Variants in MEOX2 observed in about 807,000 individuals in gnomAD.
MEOX2 encodes homeobox protein MOX-2.
A neutral mutation model predicts 27.0 loss-of-function variants in MEOX2; 11 were observed. The observed-to-expected ratio is 0.41, with a 90% CI of 0.26 to 0.68. The LOEUF is 0.68. Among genes scored for constraint, MEOX2 ranks in the 30% least tolerant of loss-of-function variants. The pLI, the probability that MEOX2 is intolerant of heterozygous loss-of-function variation, is 0.33. For synonymous variants in MEOX2, 189 were observed against 155.4 expected, an observed-to-expected ratio of 1.22 and a Z score of -1.61; for missense variants, 436 against 385.4, an observed-to-expected ratio of 1.13 and a Z score of -1.10.
intron 2 of MEOX2, among the ~76,000 whole-genome samples, chr7:15,626,396 C>T (rs1007834882): frequency 3.3e-5 from 5 of 152,060 alleles, no homozygotes; most frequent in African/African-American, 1.2e-4. Context: ...TCTGGGTTTA[C>T]CAACTTTCTA....
intron 1 of MEOX2, chr7:15,681,089 A>G (rs1362967819): frequency 6.6e-6 from 1 of 151,752 alleles, no homozygotes; most frequent in African/African-American, 2.4e-5. Flanking sequence ...AATTCAACAG[A>G]TATTATTTAA....
chr7:15,640,252 G>T lies in MEOX2; in HGVS notation c.518-13334C>A, dbSNP rs774147718. 6.3e-3 allele frequency among the ~76,000 whole-genome samples: 904 copies of T among 143,324 alleles called. 6 individuals carry two copies. The highest frequency in any genetic ancestry group is 9.6e-3 in the Non-Finnish European group (631 of 65,872). The allele number at this position is 143,324 out of a possible 152,430, so 94.0% of individuals were successfully genotyped here. ...TGCTGTTTGGGGGTTGTGTGTGTGT[G>T]TTTGTGTGTGTGTGTGTGTGTGTGT... On this transcript the variant is annotated intron_variant, in intron 1 of 2. Transcript: ENST00000262041.
At chr7:15,629,774 CCT>C (rs71004401) in intron 1 of MEOX2, among the ~76,000 whole-genome samples, 5,689 of 152,048 alleles carry the variant, frequency 0.037, 133 homozygotes, top group Middle Eastern at 0.082. Flanking sequence ...AATATTTTTA[CCT>C]CTTTCTTTAC....
chr7:15,649,514 G>A (rs993724989), intron 1 of MEOX2, among the ~76,000 whole-genome samples: 6 of 152,020 alleles, frequency 3.9e-5, no homozygotes, highest in South Asian at 2.1e-4. Flanking sequence ...TTCTAGAAAG[G>A]ACAGAGTTTC....
intron 1 of MEOX2, among the ~76,000 whole-genome samples, chr7:15,640,718 G>A (rs1009168373): frequency 2.0e-5 from 3 of 152,062 alleles, no homozygotes; most frequent in African/African-American, 7.2e-5. Context: ...CTGGTTTGTT[G>A]AGGGTTTTTA....
At chr7:15,628,047 A>G (rs1781343105) in intron 1 of MEOX2, among the ~76,000 whole-genome samples, 2 of 152,134 alleles carry the variant, frequency 1.3e-5, no homozygotes, top group African/African-American at 4.8e-5. Context: ...AAATTGATGT[A>G]GAAAGATGAT....
At chr7:15,619,160 T>C (rs4466293) in intron 2 of MEOX2, among the ~76,000 whole-genome samples, 102,193 of 151,822 alleles carry the variant, frequency 0.67, 34,627 homozygotes, top group East Asian at 0.81. Context: ...AGTAGAAAAT[T>C]TTCTTAAAAT....
rs184627333 is a variant in MEOX2, at chr7:15,668,090, T to C, written c.517+17796A>G. On this transcript the variant is annotated intron_variant, in intron 1 of 2. Transcript: ENST00000262041. ...ATGTGGAAACTACCTATTTCTACTGTGTACTAACATGCATTTAACTACAGT... is the reference window on the plus strand; with the variant it reads ...ATGTGGAAACTACCTATTTCTACTGCGTACTAACATGCATTTAACTACAGT... 18 of 152,312 alleles carry C rather than the reference T, an allele frequency of 1.2e-4. No individual in the cohort carries two copies. In the East Asian group the frequency reaches 2.9e-3, roughly 25 times the overall value. 9.4% of individuals were successfully genotyped at this position (152,312 alleles called of 1,614,324 possible).
chr7:15,685,862 CGAG>C, intron 1 of MEOX2, 21 bp downstream of exon 1: 17 of 1,563,452 alleles, frequency 1.1e-5, no homozygotes, highest in Non-Finnish European at 1.5e-5. Flanking sequence ...CGCGCACTCT[CGAG>C]GGTGCCTGGC....
rs1160150253 is a variant in MEOX2 at position 15,686,452 on chromosome 7, G to C, written c.-50C>G. 6 of 1,478,520 alleles carry C rather than the reference G, an allele frequency of 4.1e-6. No individual in the cohort carries two copies. The highest frequency in any genetic ancestry group is 5.5e-6 in the Non-Finnish European group (6 of 1,098,724). The allele number at this position is 1,478,520 out of a possible 1,614,324, so 91.6% of individuals were successfully genotyped here. A position where few individuals can be genotyped will look rare whatever the true frequency, so the allele number is the denominator to read the frequency against. ...CAGAAGACTTCACGGCGGTTCCAAA[G>C]GCCACCACCCTCTGTCACTTTTTCA... is the stretch of plus-strand genomic sequence containing the variant. On this transcript the variant is annotated 5_prime_UTR_variant, in exon 1 of 3. Coordinates refer to ENST00000262041, the MANE Select transcript of MEOX2 (RefSeq NM_005924.5).
chr7:15,674,944 C>T (rs764256673), intron 1 of MEOX2, among the ~76,000 whole-genome samples: 1 of 151,770 alleles, frequency 6.6e-6, no homozygotes, highest in Non-Finnish European at 1.5e-5. Flanking sequence ...TTTTCTAAAA[C>T]TGGGGATAAA....
At chr7:15,625,182 T>C (rs185217795) in intron 2 of MEOX2, among the ~76,000 whole-genome samples, 1 of 152,166 alleles carries the variant, frequency 6.6e-6, no homozygotes, top group African/African-American at 2.4e-5. Context: ...GAATTCACCA[T>C]CTCTATATAA....
intron 1 of MEOX2, among the ~76,000 whole-genome samples, chr7:15,665,753 A>G (rs1296137407): frequency 6.6e-6 from 1 of 152,200 alleles, no homozygotes; most frequent in South Asian, 2.1e-4. Flanking sequence ...TAATTTTGCT[A>G]GACTAGGAAA....
At chr7:15,669,398 T>A (rs934772273) in intron 1 of MEOX2, among the ~76,000 whole-genome samples, 1 of 152,244 alleles carries the variant, frequency 6.6e-6, no homozygotes, top group African/African-American at 2.4e-5. Context: ...TTCTACATTT[T>A]CATACTTTAA....
At chr7:15,656,472 T>G (rs1781823680) in intron 1 of MEOX2, among the ~76,000 whole-genome samples, 1 of 151,726 alleles carries the variant, frequency 6.6e-6, no homozygotes, top group Admixed American at 6.6e-5. Context: ...TGGTTAAACA[T>G]TTGTTTAGAA....
chr7:15,632,471 G>C (rs376451096), intron 1 of MEOX2, among the ~76,000 whole-genome samples: 5 of 151,452 alleles, frequency 3.3e-5, no homozygotes, highest in Non-Finnish European at 7.4e-5. Context: ...CAACCCAATG[G>C]TTCTTCTTCC....
chr7:15,619,065 A>G (rs1204790966), intron 2 of MEOX2, among the ~76,000 whole-genome samples: 3 of 152,094 alleles, frequency 2.0e-5, no homozygotes, highest in South Asian at 2.1e-4. Flanking sequence ...TCTCTAGAAA[A>G]TTGTCAGTTC....
chr7:15,686,355 C>A lies in MEOX2; in HGVS notation c.48G>T (p.Ala16=), dbSNP rs1782384790. The change falls in exon 1 of 3, where the codon GCG becomes GCT. Residue 16 remains alanine, a synonymous_variant. Transcript: ENST00000262041. ...ATTGGGAGAACGGGTGCAAGCCTTG[C>A]GCCGTGGCGTGAGGGCTGCGCAGGC... ...FGCLRSPHAT[A]QGLHPFSQSS... is the part of the protein sequence containing the mutation. The A allele has an allele frequency of 1.3e-6, 2 of 1,593,724 alleles. No homozygotes were observed. Among genetic ancestry groups the A allele is most frequent in the South Asian group, 1.1e-5 (1 of 88,134 alleles).
At chr7:15,628,687 T>C (rs1204038420) in intron 1 of MEOX2, among the ~76,000 whole-genome samples, 1 of 152,104 alleles carries the variant, frequency 6.6e-6, no homozygotes, top group Non-Finnish European at 1.5e-5. Context: ...AGGCCATGTT[T>C]ACATGGTGCC....
Sources: allele counts gnomAD v4.1 joint callset (sites outside exome capture counted in the v4.1 genomes callset), GRCh38; gene constraint gnomAD v4.1.1; transcripts MANE v1.5; gene names NCBI Gene and HGNC (gene_info 2026-07-23, HGNC 2026-07-21).